PNO1: variants seen among roughly 807,000 people sequenced by gnomAD.
PNO1 encodes the protein partner of NOB1 homolog, also known as RNA-binding protein PNO1.
In PNO1, 16 loss-of-function variants were observed where a neutral mutation model predicts 28.4. The ratio of observed to expected loss-of-function variants is 0.56; its 90% CI spans 0.38 to 0.85. The LOEUF is 0.85. PNO1 is among the 40% of genes least tolerant of loss of function. PNO1 has a pLI of 0.00. For missense variants in PNO1, 304 were observed against 312.2 expected (o/e 0.97, Z 0.20); for synonymous variants, 115 against 110.8 (o/e 1.04, Z -0.24).
Position 68,175,876 on chromosome 2 carries a change from G to T in PNO1, c.*1074G>T, listed in dbSNP as rs1248297144. Reference sequence around the variant, plus strand: ...GCTTAGCCTACCTTAAAAGGGCTCCGAACACTACATTAGCCTACAGTTGGG... The same window carrying T: ...GCTTAGCCTACCTTAAAAGGGCTCCTAACACTACATTAGCCTACAGTTGGG... On this transcript the variant is annotated 3_prime_UTR_variant, in exon 7 of 7. Transcript: ENST00000263657. 1 of 152,262 alleles carries T rather than the reference G, an allele frequency of 6.6e-6. No individual in the cohort carries two copies. Among genetic ancestry groups the T allele is most frequent in the African/African-American group, 2.4e-5 (1 of 41,558 alleles). 9.4% of individuals were successfully genotyped at this position (152,262 alleles called of 1,614,324 possible).
At chr2:68,173,248 C>A in intron 5 of PNO1, 99 bp from the exon 6 acceptor site, 1 of 756,404 alleles carries the variant, frequency 1.3e-6, no homozygotes, top group Non-Finnish European at 2.4e-6. Flanking sequence ...GACTCCTGGC[C>A]ACAAATGATC....
At position 68,175,062 on chromosome 2, in the gene PNO1, G is replaced by A. The variant is rs1674239576; in HGVS notation, c.*260G>A. On this transcript the variant is annotated 3_prime_UTR_variant, in exon 7 of 7. Transcript: ENST00000263657. ...ATTTATCATTTATCTGAAATCACAT[G>A]TAGCAGATTGCATAGTCTGTAATCC... 4 of 344,704 alleles carry A rather than the reference G, an allele frequency of 1.2e-5. No individual in the cohort carries two copies. The highest frequency in any genetic ancestry group is 1.3e-4 in the South Asian group (2 of 15,708). The allele number at this position is 344,704 out of a possible 1,614,324, so 21.4% of individuals were successfully genotyped here.
At position 68,162,206 on chromosome 2, in the gene PNO1, T is replaced by A; in HGVS notation, c.442-59T>A. On this transcript the variant is annotated intron_variant, in intron 3 of 6. Transcript: ENST00000263657. Reference sequence around the variant, plus strand: ...TTTAGTTCCATAGTGCTTTGCACTTTACTCTTTTTCAGGTGTGCAAATGGA... The same window carrying A: ...TTTAGTTCCATAGTGCTTTGCACTTAACTCTTTTTCAGGTGTGCAAATGGA... 7 of 1,262,286 alleles carry A rather than the reference T, an allele frequency of 5.5e-6. 1 individual carries two copies. The South Asian group carries it at 8.7e-5, about 16-fold the overall frequency. 78.2% of individuals were successfully genotyped at this position (1,262,286 alleles called of 1,614,324 possible).
chr2:68,158,899 A>G (rs922239293), intron 2 of PNO1, among the ~76,000 whole-genome samples: 2 of 152,250 alleles, frequency 1.3e-5, no homozygotes, highest in African/African-American at 4.8e-5. Context: ...AGCGTCGGGA[A>G]TATGTTCTGG....
At chr2:68,162,803 T>C in intron 5 of PNO1, 140 bp downstream of exon 5, 1 of 668,124 alleles carries the variant, frequency 1.5e-6, no homozygotes, top group Non-Finnish European at 2.7e-6. Flanking sequence ...AAATCCATCA[T>C]AAATTGAAAA....
intron 3 of PNO1, 67 bp downstream of exon 3, chr2:68,161,833 TA>T: frequency 9.3e-7 from 1 of 1,075,166 alleles, no homozygotes; most frequent in Admixed American, 2.0e-5. Context: ...TTCAATGGAT[TA>T]GGCATTAAAA....
intron 6 of PNO1, among the ~76,000 whole-genome samples, chr2:68,174,144 CGGCTT>C (rs1674207408): frequency 1.3e-5 from 2 of 152,140 alleles, no homozygotes; most frequent in African/African-American, 4.8e-5. Flanking sequence ...AGGATCTTAG[CGGCTT>C]GCTCAGAAAA....
intron 4 of PNO1, 93 bp downstream of exon 4, chr2:68,162,418 T>G: frequency 1.8e-6 from 2 of 1,095,478 alleles, no homozygotes; most frequent in Non-Finnish European, 2.7e-6. Context: ...GCTGTATTTT[T>G]AGCAACTTAT....
At chr2:68,173,107 TAAGA>T in intron 5 of PNO1, 1 of 204,364 alleles carries the variant, frequency 4.9e-6, no homozygotes. Context: ...TTTTTTTTTT[TAAGA>T]GAGAGGGTTT....
At chr2:68,173,015 TATC>T (rs72240930) in intron 5 of PNO1, 3,541 of 205,094 alleles carry the variant, frequency 0.017, 118 homozygotes, top group African/African-American at 0.078. Context: ...CTGACTCAAA[TATC>T]ATGATTTTCC....
intron 6 of PNO1, 76 bp from the exon 7 acceptor site, chr2:68,174,659 T>A: frequency 1.0e-6 from 1 of 960,162 alleles, no homozygotes; most frequent in African/African-American, 1.6e-5. Context: ...CCAGTCTTCC[T>A]TAGACACTGA....
chr2:68,163,778 G>T (rs10153623), intron 5 of PNO1, among the ~76,000 whole-genome samples: 49,594 of 151,936 alleles, frequency 0.33, 9,883 homozygotes, highest in African/African-American at 0.56. Flanking sequence ...AACAAGATGA[G>T]AGGGGCTTAA....
intron 5 of PNO1, among the ~76,000 whole-genome samples, chr2:68,168,014 G>A (rs1333018274): frequency 2.0e-5 from 3 of 152,208 alleles, no homozygotes; most frequent in Non-Finnish European, 4.4e-5. Context: ...TAAATTTGGA[G>A]AGGAAACTTT....
intron 5 of PNO1, among the ~76,000 whole-genome samples, chr2:68,171,876 A>G (rs969614184): frequency 1.3e-5 from 2 of 152,148 alleles, no homozygotes; most frequent in Non-Finnish European, 2.9e-5. Flanking sequence ...AGTAGGATCC[A>G]TAGATGGGAG....
intron 2 of PNO1, among the ~76,000 whole-genome samples, chr2:68,160,856 G>A (rs1379757951): frequency 6.6e-6 from 1 of 152,224 alleles, no homozygotes; most frequent in Admixed American, 6.5e-5. Context: ...GGAAAGCTCT[G>A]GGGACTCTCC....
chr2:68,166,518 T>C (rs1470409024), intron 5 of PNO1, among the ~76,000 whole-genome samples: 1 of 152,134 alleles, frequency 6.6e-6, no homozygotes, highest in Non-Finnish European at 1.5e-5. Context: ...GGGGTTAATC[T>C]TGCTGTCTCA....
chr2:68,161,025 G>A lies in PNO1; in HGVS notation c.358-658G>A, dbSNP rs182726568. On this transcript the variant is annotated intron_variant, in intron 2 of 6. Coordinates refer to ENST00000263657, the MANE Select transcript of PNO1 (RefSeq NM_020143.4). Reference sequence around the variant, plus strand: ...TTAGTACTTTAGTTTCCTCACATACGAAGGTAGTCATATCACTTAACATTC... The same window carrying A: ...TTAGTACTTTAGTTTCCTCACATACAAAGGTAGTCATATCACTTAACATTC... Among the ~76,000 whole-genome samples, 360 of 152,316 alleles carry A rather than the reference G, an allele frequency of 2.4e-3. 2 individuals carry two copies. Among genetic ancestry groups the A allele is most frequent in the African/African-American group, 8.1e-3 (336 of 41,566 alleles).
intron 2 of PNO1, among the ~76,000 whole-genome samples, chr2:68,159,387 T>G (rs542375705): frequency 3.3e-5 from 5 of 152,092 alleles, no homozygotes; most frequent in Non-Finnish European, 7.4e-5. Flanking sequence ...TTTTGTATTT[T>G]TAGTAGAGAC....
At chr2:68,171,941 A>T (rs930175572) in intron 5 of PNO1, among the ~76,000 whole-genome samples, 1 of 152,030 alleles carries the variant, frequency 6.6e-6, no homozygotes, top group Non-Finnish European at 1.5e-5. Flanking sequence ...AATGACAGAA[A>T]GTGGTGAAGG....
Sources: gnomAD v4.1 joint callset for allele counts (sites outside exome capture counted in the v4.1 genomes callset) on GRCh38, gnomAD v4.1.1 for gene constraint, MANE v1.5 for transcripts, NCBI Gene and HGNC (gene_info 2026-07-23, HGNC 2026-07-21) for gene names.